The following GRID2 variants were observed in gnomAD, a reference collection of about 807,000 sequenced individuals.
GRID2 encodes glutamate ionotropic receptor delta type subunit 2, also known as glutamate receptor ionotropic, delta-2.
GRID2 carries 33 observed loss-of-function variants against 114.8 expected under a neutral mutation model. The observed-to-expected ratio is 0.29, with a 90% CI of 0.22 to 0.38. The LOEUF (loss-of-function observed/expected upper bound fraction) is 0.38, where lower values mean the gene tolerates loss of function less well. GRID2 is among the 10% of genes least tolerant of loss of function. The pLI, the probability that GRID2 is intolerant of heterozygous loss-of-function variation, is 1.00. For synonymous variants in GRID2, 505 were observed against 449.9 expected, an observed-to-expected ratio of 1.12 and a Z score of -1.55; for missense variants, 1,184 against 1,257.7, an observed-to-expected ratio of 0.94 and a Z score of 0.89.
At chr4:92,964,223 T>G (rs1396042845) in intron 2 of GRID2, among the ~76,000 whole-genome samples, 1 of 152,062 alleles carries the variant, frequency 6.6e-6, no homozygotes, top group Non-Finnish European at 1.5e-5. Flanking sequence ...AGAGTCAGTC[T>G]GTCCTTTGAA....
At chr4:92,986,883 A>G (rs1285040849) in intron 2 of GRID2, among the ~76,000 whole-genome samples, 1 of 152,178 alleles carries the variant, frequency 6.6e-6, no homozygotes, top group Non-Finnish European at 1.5e-5. Flanking sequence ...CTCTTAGAAA[A>G]TGTGGACAGC....
At chr4:92,917,640 G>C (rs1748923053) in intron 2 of GRID2, among the ~76,000 whole-genome samples, 1 of 151,538 alleles carries the variant, frequency 6.6e-6, no homozygotes, top group Non-Finnish European at 1.5e-5. Context: ...TCTTGTTTTT[G>C]TCAAAGATCA....
intron 15 of GRID2, among the ~76,000 whole-genome samples, 176 bp downstream of exon 15, chr4:93,769,626 T>G (rs900686360): frequency 8.5e-5 from 13 of 152,162 alleles, no homozygotes; most frequent in Admixed American, 7.9e-4. Flanking sequence ...AATTTCCATT[T>G]TAGGATATCC....
intron 1 of GRID2, among the ~76,000 whole-genome samples, chr4:92,487,360 ATT>A (rs1452341117): frequency 6.6e-6 from 1 of 151,816 alleles, no homozygotes; most frequent in African/African-American, 2.4e-5. Flanking sequence ...AGTGCTCCTT[ATT>A]TTTTGGGTAG....
intron 13 of GRID2, among the ~76,000 whole-genome samples, chr4:93,525,665 C>T (rs1730814307): frequency 6.6e-6 from 1 of 152,108 alleles, no homozygotes; most frequent in Admixed American, 6.6e-5. Context: ...AGTCTTTGGA[C>T]ACTAATTTCA....
intron 8 of GRID2, among the ~76,000 whole-genome samples, chr4:93,296,291 G>A (rs1754302323): frequency 6.6e-6 from 1 of 151,916 alleles, no homozygotes. Context: ...TGGATTTACG[G>A]ATCCCCCCCT....
chr4:92,869,425 G>A (rs1026319045), intron 2 of GRID2, among the ~76,000 whole-genome samples: 5 of 152,116 alleles, frequency 3.3e-5, no homozygotes, highest in African/African-American at 7.2e-5. Context: ...TGAGCTGATC[G>A]AAGTTTTCTG....
At chr4:93,633,973 A>G (rs1201541317) in intron 14 of GRID2, among the ~76,000 whole-genome samples, 1 of 152,154 alleles carries the variant, frequency 6.6e-6, no homozygotes, top group Non-Finnish European at 1.5e-5. Flanking sequence ...TAAGCTCTGT[A>G]TTCAGCTGGT....
At chr4:92,960,295 A>T (rs1330189740) in intron 2 of GRID2, among the ~76,000 whole-genome samples, 1 of 152,050 alleles carries the variant, frequency 6.6e-6, no homozygotes, top group Non-Finnish European at 1.5e-5. Context: ...ATGGTGCTGT[A>T]GAGTTCAAAT....
At chr4:93,355,671 C>A (rs910097066) in intron 8 of GRID2, among the ~76,000 whole-genome samples, 1 of 152,152 alleles carries the variant, frequency 6.6e-6, no homozygotes, top group African/African-American at 2.4e-5. Flanking sequence ...TGTGTGGCCA[C>A]CTTTAGTCCA....
At position 92,857,230 on chromosome 4, in the gene GRID2, G is replaced by A. The variant is rs900493790; in HGVS notation, c.245-227765G>A. On this transcript the variant is annotated intron_variant, in intron 2 of 15. Coordinates refer to ENST00000282020, the MANE Select transcript of GRID2 (RefSeq NM_001510.4). ...TACAATGATCTTTAAGTGTTGAAGT[G>A]AGAGGAAGAGTCATACATCTCTCAC... Among the ~76,000 whole-genome samples, 3 of 152,166 alleles carry A rather than the reference G, an allele frequency of 2.0e-5. No homozygotes were observed. In the East Asian group the frequency reaches 5.8e-4, roughly 29 times the overall value.
intron 12 of GRID2, among the ~76,000 whole-genome samples, chr4:93,515,006 T>G (rs1170731106): frequency 6.6e-6 from 1 of 152,188 alleles, no homozygotes; most frequent in Non-Finnish European, 1.5e-5. Flanking sequence ...AATAATAATT[T>G]TGTGTTCTCA....
intron 2 of GRID2, among the ~76,000 whole-genome samples, chr4:92,992,101 G>A (rs906916154): frequency 6.6e-5 from 10 of 152,156 alleles, no homozygotes; most frequent in Non-Finnish European, 1.5e-4. Flanking sequence ...GCATCAGGTA[G>A]AAGAAGGCAA....
At chr4:92,535,797 A>C (rs568255545) in intron 1 of GRID2, among the ~76,000 whole-genome samples, 1 of 152,222 alleles carries the variant, frequency 6.6e-6, no homozygotes, top group East Asian at 1.9e-4. Flanking sequence ...ACAGTTCTTA[A>C]AGATGGTGTG....
At chr4:92,312,424 A>C (rs1264332208) in intron 1 of GRID2, among the ~76,000 whole-genome samples, 1 of 152,108 alleles carries the variant, frequency 6.6e-6, no homozygotes, top group Non-Finnish European at 1.5e-5. Context: ...ATGTACAGTT[A>C]TCAGATTGTG....
intron 4 of GRID2, among the ~76,000 whole-genome samples, chr4:93,189,827 TA>T (rs936824128): frequency 9.3e-5 from 13 of 140,138 alleles, no homozygotes; most frequent in South Asian, 9.2e-4. Context: ...ATCTCATCTT[TA>T]AAAAAAAAAC....
chr4:92,325,692 A>G (rs1726555963), intron 1 of GRID2, among the ~76,000 whole-genome samples: 1 of 151,786 alleles, frequency 6.6e-6, no homozygotes. Context: ...TTGGCTTCAG[A>G]ACTTTCATAA....
intron 4 of GRID2, among the ~76,000 whole-genome samples, chr4:93,121,513 C>G (rs369114762): frequency 1.8e-4 from 28 of 152,140 alleles, no homozygotes; most frequent in African/African-American, 6.7e-4. Context: ...TTTTGATTGC[C>G]TCAAAATATT....
At chr4:92,541,902 A>G (rs2149163621) in intron 1 of GRID2, among the ~76,000 whole-genome samples, 1 of 152,268 alleles carries the variant, frequency 6.6e-6, no homozygotes, top group South Asian at 2.1e-4. Flanking sequence ...TGAAACATAG[A>G]AAAAAGAAGA....
Sources: allele counts gnomAD v4.1 joint callset (sites outside exome capture counted in the v4.1 genomes callset), GRCh38; gene constraint gnomAD v4.1.1; transcripts MANE v1.5; gene names NCBI Gene and HGNC (gene_info 2026-07-23, HGNC 2026-07-21).